The following MGAT4C variants were observed in gnomAD, a reference collection of about 807,000 sequenced individuals.
MGAT4C encodes alpha-1,3-mannosyl-glycoprotein 4-beta-N-acetylglucosaminyltransferase C.
A neutral mutation model predicts 40.1 loss-of-function variants in MGAT4C; 19 were observed. That is an observed-to-expected ratio of 0.47 (90% CI 0.33 to 0.70). The LOEUF is 0.70. Among genes scored for constraint, MGAT4C ranks in the 30% least tolerant of loss-of-function variants. MGAT4C has a pLI of 0.02. For missense variants in MGAT4C, 491 were observed against 563.2 expected (o/e 0.87, Z 1.30); for synonymous variants, 181 against 187.1 (o/e 0.97, Z 0.27).
intron 4 of MGAT4C, among the ~76,000 whole-genome samples, chr12:86,307,735 C>G (rs188502290): frequency 6.6e-6 from 1 of 150,430 alleles, no homozygotes; most frequent in African/African-American, 2.5e-5. Flanking sequence ...CGTTGTCTAG[C>G]TCTGTCGCCC....
At chr12:86,294,333 A>G (rs79947443) in intron 4 of MGAT4C, among the ~76,000 whole-genome samples, 1,540 of 148,600 alleles carry the variant, frequency 0.01, 17 homozygotes, top group East Asian at 0.047. Context: ...ATCATGGGGG[A>G]AAAGGTGTTA....
intron 4 of MGAT4C, among the ~76,000 whole-genome samples, chr12:86,278,150 A>C (rs954704786): frequency 7.3e-6 from 1 of 136,728 alleles, no homozygotes; most frequent in Non-Finnish European, 1.6e-5. Context: ...ATCTGTAGCT[A>C]TTGAAATGGG....
At chr12:86,758,196 G>A (rs571535341) in intron 1 of MGAT4C, among the ~76,000 whole-genome samples, 37 of 152,016 alleles carry the variant, frequency 2.4e-4, no homozygotes, top group African/African-American at 8.2e-4. Flanking sequence ...CCTTACACTG[G>A]TGTCACAAAA....
intron 1 of MGAT4C, among the ~76,000 whole-genome samples, chr12:86,187,014 A>G (rs577468512): frequency 2.6e-5 from 4 of 152,230 alleles, no homozygotes; most frequent in Admixed American, 2.0e-4. Context: ...AAGAAGGCAA[A>G]CCAAAATCCA....
chr12:86,120,170 A>AT (rs1407519922), intron 1 of MGAT4C, among the ~76,000 whole-genome samples: 1 of 151,264 alleles, frequency 6.6e-6, no homozygotes, highest in African/African-American at 2.4e-5. Context: ...AAGAGAAAAA[A>AT]ATATATATAT....
chr12:86,062,234 C>T lies in MGAT4C; in HGVS notation c.-56-12511G>A, dbSNP rs12317912. ...ACCGCTGGTGATACCCCGGCAAACACGGTCTGGAATGGCCCTCCAGCAAAC... is the reference window on the plus strand; with the variant it reads ...ACCGCTGGTGATACCCCGGCAAACATGGTCTGGAATGGCCCTCCAGCAAAC... On this transcript the variant is annotated intron_variant, in intron 1 of 4. Transcript: ENST00000611864. Among the ~76,000 whole-genome samples the T allele has an allele frequency of 8.5e-3, 1,294 of 152,252 alleles. 23 individuals are homozygous for T. The highest frequency in any genetic ancestry group is 0.029 in the African/African-American group (1,211 of 41,540).
intron 2 of MGAT4C, among the ~76,000 whole-genome samples, chr12:86,633,268 G>A (rs1593064842): frequency 6.6e-6 from 1 of 151,982 alleles, no homozygotes; most frequent in Admixed American, 6.6e-5. Flanking sequence ...TTAGATGTAT[G>A]TGACAAAGAT....
chr12:86,144,569 T>G (rs1302887123), intron 1 of MGAT4C, among the ~76,000 whole-genome samples: 1 of 152,202 alleles, frequency 6.6e-6, no homozygotes, highest in Non-Finnish European at 1.5e-5. Flanking sequence ...AGCTATTGTT[T>G]CCATGAATTA....
intron 1 of MGAT4C, among the ~76,000 whole-genome samples, chr12:86,196,804 T>C (rs1949827133): frequency 6.6e-6 from 1 of 152,110 alleles, no homozygotes; most frequent in Admixed American, 6.5e-5. Flanking sequence ...ACACTTTGTC[T>C]CTCTAGAACA....
rs1043737928 is a variant in MGAT4C, at chr12:86,793,457, GTTTATA to G, written c.-262+45203_-262+45208del. Among the ~76,000 whole-genome samples, 12 of 151,884 alleles carry G rather than the reference GTTTATA, an allele frequency of 7.9e-5. No homozygotes were observed. In the East Asian group the frequency reaches 1.2e-3, roughly 15 times the overall value. On this transcript the variant is annotated intron_variant, in intron 1 of 7. Coordinates refer to the MGAT4C transcript ENST00000548651. ...AATATTTTTATTTAATTTTCACTTTGTTTATATTTATTTTTTCTAAGTAAAAGATAC... is the reference window on the plus strand; with the variant it reads ...AATATTTTTATTTAATTTTCACTTTGTTTATTTTTTCTAAGTAAAAGATAC...
intron 1 of MGAT4C, among the ~76,000 whole-genome samples, chr12:86,077,298 A>C (rs1355035993): frequency 1.3e-5 from 2 of 152,230 alleles, no homozygotes; most frequent in East Asian, 3.8e-4. Flanking sequence ...ATCTGACATA[A>C]TACAACTATC....
At chr12:86,219,545 T>G (rs1333605010) in intron 1 of MGAT4C, among the ~76,000 whole-genome samples, 2 of 152,222 alleles carry the variant, frequency 1.3e-5, no homozygotes, top group African/African-American at 4.8e-5. Flanking sequence ...GGAAGATTTC[T>G]CTTGCAGGAA....
At chr12:86,350,067 T>C (rs1364199836) in intron 3 of MGAT4C, among the ~76,000 whole-genome samples, 1 of 152,112 alleles carries the variant, frequency 6.6e-6, no homozygotes, top group Non-Finnish European at 1.5e-5. Context: ...CTGTGCTATG[T>C]AGTTCAAGAA....
intron 1 of MGAT4C, among the ~76,000 whole-genome samples, chr12:86,163,473 C>T (rs839122): frequency 0.89 from 134,989 of 152,176 alleles, 60,119 homozygotes; most frequent in East Asian, 1. Flanking sequence ...ATGATAGGAG[C>T]GAGCCACTGT....
At chr12:86,607,570 T>G (rs1229663233) in intron 2 of MGAT4C, among the ~76,000 whole-genome samples, 3 of 152,160 alleles carry the variant, frequency 2.0e-5, no homozygotes, top group African/African-American at 7.2e-5. Context: ...TTATTTACAT[T>G]CACAGAAAAC....
intron 2 of MGAT4C, among the ~76,000 whole-genome samples, chr12:85,993,204 TA>T (rs1373658973): frequency 6.6e-6 from 1 of 152,192 alleles, no homozygotes; most frequent in African/African-American, 2.4e-5. Flanking sequence ...GATGTCGTGT[TA>T]CTTTTGAGTC....
intron 1 of MGAT4C, among the ~76,000 whole-genome samples, chr12:86,121,002 A>T (rs919125277): frequency 1.3e-5 from 2 of 152,220 alleles, no homozygotes; most frequent in Non-Finnish European, 2.9e-5. Context: ...CTTGAAAAGT[A>T]GATTAGATGA....
At chr12:86,529,415 T>C (rs1958940173) in intron 2 of MGAT4C, among the ~76,000 whole-genome samples, 1 of 152,088 alleles carries the variant, frequency 6.6e-6, no homozygotes, top group Non-Finnish European at 1.5e-5. Context: ...GGAAATGTAA[T>C]ACACTCTTGA....
chr12:86,231,002 C>T (rs981965197), intron 1 of MGAT4C, among the ~76,000 whole-genome samples: 1 of 151,942 alleles, frequency 6.6e-6, no homozygotes, highest in Non-Finnish European at 1.5e-5. Flanking sequence ...GTAATGGATG[C>T]CTACTATAGT....
Sources: allele counts gnomAD v4.1 joint callset (sites outside exome capture counted in the v4.1 genomes callset), GRCh38; gene constraint gnomAD v4.1.1; transcripts MANE v1.5; gene names NCBI Gene and HGNC (gene_info 2026-07-23, HGNC 2026-07-21).